The following LATS2 variants were observed in gnomAD, a reference collection of about 807,000 sequenced individuals.
LATS2 encodes large tumor suppressor kinase 2, also known as serine/threonine-protein kinase LATS2.
In LATS2, 24 loss-of-function variants were observed where a neutral mutation model predicts 76.0. The observed-to-expected ratio is 0.32, with a 90% CI of 0.23 to 0.44. The LOEUF (loss-of-function observed/expected upper bound fraction) is 0.44, where lower values mean the gene tolerates loss of function less well. Ranked by LOEUF, LATS2 falls within the 20% of genes least tolerant of loss-of-function variation. The probability of loss-of-function intolerance (pLI) is 1.00; values close to 1 mark genes in which losing one functional copy is unlikely to be tolerated. For synonymous variants in LATS2, 692 were observed against 635.4 expected, an observed-to-expected ratio of 1.09 and a Z score of -1.34; for missense variants, 1,286 against 1,481.2, an observed-to-expected ratio of 0.87 and a Z score of 2.16.
In LATS2 at chr13:21,007,214, C is replaced by T. The variant is rs890180383; in HGVS notation, c.343-15810G>A. ...AATTTTTAAGTTATATTTCCAAAGG[C>T]TCAGAATCTCTGTAACAAGTTTCCA... On this transcript the variant is annotated intron_variant, in intron 2 of 7. Transcript: ENST00000382592. 3.3e-5 allele frequency among the ~76,000 whole-genome samples: 5 copies of T among 151,882 alleles called. No individual in the cohort carries two copies. The East Asian group carries it at 9.7e-4, about 29-fold the overall frequency.
At chr13:21,018,646 T>C (rs1871907388) in intron 2 of LATS2, among the ~76,000 whole-genome samples, 1 of 152,050 alleles carries the variant, frequency 6.6e-6, no homozygotes, top group Admixed American at 6.5e-5. Context: ...CGAGCCTTCT[T>C]TTCTCAGAGT....
intron 1 of LATS2, among the ~76,000 whole-genome samples, chr13:21,054,001 A>G (rs1378082993): frequency 2.0e-5 from 3 of 152,326 alleles, no homozygotes; most frequent in Non-Finnish European, 4.4e-5. Flanking sequence ...GTTTGCAGTA[A>G]TGGTGCATTT....
At chr13:21,005,618 C>T (rs1871232053) in intron 2 of LATS2, 1 of 152,086 alleles carries the variant, frequency 6.6e-6, no homozygotes, top group Admixed American at 6.6e-5. Flanking sequence ...GGTTTTAATT[C>T]GCACTCTTGC....
intron 2 of LATS2, among the ~76,000 whole-genome samples, chr13:21,041,146 G>T (rs924767984): frequency 1.3e-5 from 2 of 152,086 alleles, no homozygotes; most frequent in African/African-American, 4.8e-5. Context: ...CTAATTTTTT[G>T]TATTTTTAGT....
At chr13:21,045,127 G>A (rs994189110) in intron 2 of LATS2, among the ~76,000 whole-genome samples, 6 of 151,986 alleles carry the variant, frequency 3.9e-5, no homozygotes, top group African/African-American at 9.7e-5. Context: ...CAATTTTGAC[G>A]ATTTCTCAAG....
At chr13:21,026,464 G>A (rs573138558) in intron 2 of LATS2, among the ~76,000 whole-genome samples, 1 of 152,322 alleles carries the variant, frequency 6.6e-6, no homozygotes, top group South Asian at 2.1e-4. Flanking sequence ...GTTTTGGTTG[G>A]TAGCATTCTA....
chr13:20,983,478 A>G lies in LATS2; in HGVS notation c.2228T>C (p.Phe743Ser), dbSNP rs748407739. 1.2e-6 allele frequency: 2 copies of G among 1,614,174 alleles called. No individual in the cohort carries two copies. The highest frequency in any genetic ancestry group is 1.1e-5 in the South Asian group (1 of 91,080). ...YSFQDKDSLYFVMDYIPGGDM... is the reference protein window; with the variant it reads ...YSFQDKDSLYSVMDYIPGGDM... Reference sequence around the variant, plus strand: ...CCCACCAGGGATGTAGTCCATCACAAAGTACAGGCTGTCTTTGTCTTGGAA... The same window carrying G: ...CCCACCAGGGATGTAGTCCATCACAGAGTACAGGCTGTCTTTGTCTTGGAA... The change falls in exon 5 of 8, where the codon TTT (phenylalanine) becomes TCT (serine). Residue 743 changes from phenylalanine (F) to serine (S), a missense_variant. By Grantham distance (155) the Phe-to-Ser change is radical (BLOSUM62 -2). This residue lies in a region of LATS2 where 247 missense variants were observed against 385.4 expected (regional missense o/e 0.64). Transcript: ENST00000382592.
In LATS2 at chr13:20,977,058, A is replaced by G. The variant is rs112084760; in HGVS notation, c.2773-1694T>C. 1.2e-3 allele frequency among the ~76,000 whole-genome samples: 188 copies of G among 152,308 alleles called. 1 individual carries two copies. The highest frequency in any genetic ancestry group is 4.3e-3 in the African/African-American group (180 of 41,564). On this transcript the variant is annotated intron_variant, in intron 7 of 7. Coordinates refer to ENST00000382592, the MANE Select transcript of LATS2 (RefSeq NM_014572.3). ...CCCTGAGGACATTACGCTAAGTGAA[A>G]TAAACTAGACACAAAAAGACAGATA...
chr13:21,016,470 G>A lies in LATS2; in HGVS notation c.343-25066C>T, dbSNP rs111234405. ...AATTTTTGTATTTTTAGTAGAGACA[G>A]GGTTTCACTATGTTGGCCAAGCTGG... On this transcript the variant is annotated intron_variant, in intron 2 of 7. Transcript: ENST00000382592. Among the ~76,000 whole-genome samples, 618 of 152,008 alleles carry A rather than the reference G, an allele frequency of 4.1e-3. 5 individuals carry two copies. The highest frequency in any genetic ancestry group is 0.015 in the African/African-American group (602 of 41,452).
At chr13:20,986,708 A>T (rs917088059) in intron 4 of LATS2, among the ~76,000 whole-genome samples, 2 of 152,202 alleles carry the variant, frequency 1.3e-5, no homozygotes, top group Non-Finnish European at 2.9e-5. Flanking sequence ...AACTAGTATG[A>T]CTATGGTTAG....
intron 2 of LATS2, among the ~76,000 whole-genome samples, chr13:21,028,637 C>A (rs1200617947): frequency 6.6e-6 from 1 of 152,172 alleles, no homozygotes; most frequent in Non-Finnish European, 1.5e-5. Flanking sequence ...GTAGCGCGAT[C>A]TTGACTCACC....
intron 2 of LATS2, among the ~76,000 whole-genome samples, chr13:21,011,953 A>G (rs751234294): frequency 2.0e-5 from 3 of 152,208 alleles, no homozygotes; most frequent in Non-Finnish European, 4.4e-5. Context: ...GTTTAAGCAA[A>G]ATGATGTCTA....
rs1463283301 is a variant in LATS2, at chr13:20,988,162, T to A, written c.1618A>T (p.Met540Leu). 1 of 1,613,970 alleles carries A rather than the reference T, an allele frequency of 6.2e-7. No homozygotes were observed. Among genetic ancestry groups the A allele is most frequent in the African/African-American group, 1.3e-5 (1 of 75,070 alleles). Residue 540 changes from methionine (M) to leucine (L), a missense_variant, in exon 4 of 8, where the codon ATG becomes TTG. Coordinates refer to ENST00000382592, the MANE Select transcript of LATS2 (RefSeq NM_014572.3). ...GGGCCCGCACGGAGGCTCTGCTCCA[T>A]GCCTGCGCACAGGCTGTCCAGGTCG... ...QYDLDSLCAG[M>L]EQSLRAGPNE...
Position 20,973,493 on chromosome 13 carries a change from TAAGG to T in LATS2, c.*1373_*1376del. On this transcript the variant is annotated 3_prime_UTR_variant, in exon 8 of 8. Transcript: ENST00000382592. ...AAATAGGAATCATACTAATTTGAAA[TAAGG>T]AATATTGTGTTTATCTCTGTGTGTG... is the stretch of plus-strand genomic sequence containing the variant. The T allele has an allele frequency of 4.4e-6, 1 of 226,110 alleles. No individual in the cohort carries two copies. The highest frequency in any genetic ancestry group is 6.2e-5 in the East Asian group (1 of 16,040). 14.0% of individuals were successfully genotyped at this position (226,110 alleles called of 1,614,324 possible). A position where few individuals can be genotyped will look rare whatever the true frequency, so the allele number is the denominator to read the frequency against.
At chr13:21,020,858 C>G (rs1230153871) in intron 2 of LATS2, among the ~76,000 whole-genome samples, 2 of 152,206 alleles carry the variant, frequency 1.3e-5, no homozygotes, top group Admixed American at 1.3e-4. Context: ...AGCACACCTA[C>G]TACGTCACAA....
chr13:21,025,035 C>T (rs542141994), intron 2 of LATS2, among the ~76,000 whole-genome samples: 1 of 152,206 alleles, frequency 6.6e-6, no homozygotes, highest in South Asian at 2.1e-4. Flanking sequence ...ATATATTTAA[C>T]AGGTTACTAT....
chr13:20,981,899 A>G (rs978603664), intron 5 of LATS2, among the ~76,000 whole-genome samples: 31 of 152,160 alleles, frequency 2.0e-4, no homozygotes, highest in African/African-American at 7.2e-4. Context: ...ACAGGACACC[A>G]TGCACCGTGC....
chr13:20,984,015 C>CCG, intron 4 of LATS2, among the ~76,000 whole-genome samples: 1 of 152,334 alleles, frequency 6.6e-6, no homozygotes, highest in African/African-American at 2.4e-5. Context: ...ACTGCAGCCT[C>CCG]CGCCTCCTGG....
At position 20,982,695 on chromosome 13, in the gene LATS2, C is replaced by T. The variant is rs553868746; in HGVS notation, c.2482+529G>A. On this transcript the variant is annotated intron_variant, in intron 5 of 7. Transcript: ENST00000382592. The stretch of plus-strand genomic sequence containing the variant: ...CCCGTGACACCTTGTAGCCTACTGT[C>T]TTAAAAATATAGTAGGCCAGGCACG... 4.1e-4 allele frequency among the ~76,000 whole-genome samples: 62 copies of T among 152,046 alleles called. 1 individual carries two copies. Among genetic ancestry groups the T allele is most frequent in the African/African-American group, 1.4e-3 (60 of 41,520 alleles).
Sources: gnomAD v4.1 joint callset for allele counts (sites outside exome capture counted in the v4.1 genomes callset) on GRCh38, gnomAD v4.1.1 for gene constraint, gnomAD v4.1.1 regional missense constraint, MANE v1.5 for transcripts, NCBI Gene and HGNC (gene_info 2026-07-23, HGNC 2026-07-21) for gene names.